Variants in CEP120 observed in about 807,000 individuals in gnomAD.
CEP120 encodes the protein centrosomal protein 120.
In CEP120, 113 loss-of-function variants were observed where a neutral mutation model predicts 126.5. The ratio of observed to expected loss-of-function variants is 0.89; its 90% CI spans 0.77 to 1.04. The LOEUF is 1.04. CEP120 is among the 50% of genes least tolerant of loss of function. CEP120 has a pLI of 0.00. For missense variants in CEP120, 1,230 were observed against 1,155.7 expected, an observed-to-expected ratio of 1.06 and a Z score of -0.93; for synonymous variants, 400 against 394.3, an observed-to-expected ratio of 1.01 and a Z score of -0.17.
At chr5:123,420,754 G>A (rs534311149) in intron 1 of CEP120, among the ~76,000 whole-genome samples, 1 of 152,288 alleles carries the variant, frequency 6.6e-6, no homozygotes, top group South Asian at 2.1e-4. Flanking sequence ...TAAGTTAGGT[G>A]GATAATGAGG....
intron 18 of CEP120, among the ~76,000 whole-genome samples, chr5:123,359,729 C>CA (rs977286203): frequency 1.9e-4 from 29 of 151,644 alleles, no homozygotes; most frequent in African/African-American, 7.0e-4. Context: ...TACCAAAGAA[C>CA]AAAAAAGCTT....
chr5:123,396,855 C>T (rs1469863543), intron 5 of CEP120, among the ~76,000 whole-genome samples: 1 of 152,172 alleles, frequency 6.6e-6, no homozygotes, highest in South Asian at 2.1e-4. Context: ...CTTCCTAAGA[C>T]TTGCTTTCCT....
Position 123,400,290 on chromosome 5 carries a change from T to C in CEP120, c.464-1006A>G, listed in dbSNP as rs529575745. On this transcript the variant is annotated intron_variant, in intron 4 of 19. Transcript: ENST00000306467. ...CCATATCCATCTCTTTTAGTCTCCATTTTTTTTTTTCTAGAAAGCTTTTAT... is the reference window on the plus strand; with the variant it reads ...CCATATCCATCTCTTTTAGTCTCCACTTTTTTTTTTCTAGAAAGCTTTTAT... Among the ~76,000 whole-genome samples, 4 of 147,532 alleles carry C rather than the reference T, an allele frequency of 2.7e-5. No homozygotes were observed. The East Asian group carries it at 7.9e-4, about 29-fold the overall frequency.
rs1768748196 is a variant in CEP120 at position 123,345,496 on chromosome 5, C to A, written c.*1023G>T. The A allele has an allele frequency of 6.6e-6, 1 of 152,048 alleles. No individual in the cohort carries two copies. The highest frequency in any genetic ancestry group is 1.5e-5 in the Non-Finnish European group (1 of 67,990). 9.4% of individuals were successfully genotyped at this position (152,048 alleles called of 1,614,324 possible). The stretch of plus-strand genomic sequence containing the variant: ...AAATTCAACCTAATCTGTGACTTTG[C>A]TAAAACTTTTTCAGTACTCAGTAAA... On this transcript the variant is annotated 3_prime_UTR_variant, in exon 20 of 20. Transcript: ENST00000306467.
intron 14 of CEP120, among the ~76,000 whole-genome samples, chr5:123,379,453 A>G (rs1771493094): frequency 6.6e-6 from 1 of 152,018 alleles, no homozygotes; most frequent in African/African-American, 2.4e-5. Context: ...TGATATTTCT[A>G]CCGTTCTCAA....
At chr5:123,353,396 C>T (rs1318496517) in intron 18 of CEP120, among the ~76,000 whole-genome samples, 3 of 151,324 alleles carry the variant, frequency 2.0e-5, no homozygotes, top group African/African-American at 4.9e-5. Context: ...AAATAAACTT[C>T]GTTGTGATGC....
intron 1 of CEP120, 78 bp from the exon 2 acceptor site, chr5:123,418,593 T>A: frequency 7.8e-7 from 1 of 1,283,544 alleles, no homozygotes; most frequent in Non-Finnish European, 1.0e-6. Flanking sequence ...TTTTTTTGTT[T>A]GGCTGGTTTT....
chr5:123,372,630 C>A lies in CEP120; in HGVS notation c.2481+20G>T, dbSNP rs773707757. ...TTAATCACTGGGACTAGTTAAACTG[C>A]ACAAAATTAACATGTGTACCTTTTC... On this transcript the variant is annotated intron_variant, in intron 17 of 19. Transcript: ENST00000306467. The A allele has an allele frequency of 6.2e-7, 1 of 1,608,502 alleles. No homozygotes were observed. Among genetic ancestry groups the A allele is most frequent in the Non-Finnish European group, 8.5e-7 (1 of 1,175,922 alleles).
chr5:123,402,357 T>A, intron 4 of CEP120: 2 of 1,392,286 alleles, frequency 1.4e-6, no homozygotes, highest in Non-Finnish European at 1.9e-6. Context: ...GAGGCAGGAG[T>A]GGAGGCAGGC....
Position 123,388,479 on chromosome 5 carries a change from C to T in CEP120, c.1383G>A (p.Arg461=), listed in dbSNP as rs756834339. The T allele has an allele frequency of 8.1e-6, 13 of 1,606,420 alleles. No homozygotes were observed. Among genetic ancestry groups the T allele is most frequent in the East Asian group, 4.5e-5 (2 of 44,578 alleles). ...SHHFCFSIDL[R]SIHALEIGFP... ...AACCAATCTCCAAGGCATGTATACT[C>T]CTTAAGTCTATTGAAAAGCAAAAAT... Residue 461 remains arginine (R), a synonymous_variant, in exon 9 of 20, where the codon AGG becomes AGA. Transcript: ENST00000306467.
intron 4 of CEP120, among the ~76,000 whole-genome samples, chr5:123,410,874 C>T (rs527322224): frequency 6.6e-6 from 1 of 152,266 alleles, no homozygotes; most frequent in Admixed American, 6.5e-5. Flanking sequence ...CTGGGAAAGA[C>T]AATGTCAAGA....
chr5:123,418,296 T>TC, intron 2 of CEP120, 63 bp downstream of exon 2: 1 of 1,426,616 alleles, frequency 7.0e-7, no homozygotes, highest in African/African-American at 1.4e-5. Flanking sequence ...CAAACTGTAT[T>TC]TATTTATAAC....
chr5:123,364,619 A>T, intron 17 of CEP120, 25 bp from the exon 18 acceptor site: 1 of 1,398,362 alleles, frequency 7.2e-7, no homozygotes, highest in South Asian at 1.2e-5. Context: ...AATCATATCA[A>T]GTGAAACACT....
Position 123,364,484 on chromosome 5 carries a change from T to C in CEP120, c.2580+12A>G. Reference sequence around the variant, plus strand: ...AAAAAGATATAAAAAGAATAAGCTATAAACTACATACCTGTTTAAGTCTGG... The same window carrying C: ...AAAAAGATATAAAAAGAATAAGCTACAAACTACATACCTGTTTAAGTCTGG... On this transcript the variant is annotated intron_variant, in intron 18 of 19. Transcript: ENST00000306467. The C allele has an allele frequency of 6.4e-7, 1 of 1,560,792 alleles. No homozygotes were observed. The highest frequency in any genetic ancestry group is 8.8e-7 in the Non-Finnish European group (1 of 1,141,868).
At chr5:123,390,401 C>G (rs115403561) in intron 7 of CEP120, 375 of 539,456 alleles carry the variant, frequency 7.0e-4, no homozygotes, top group African/African-American at 6.6e-3. Flanking sequence ...GAAAAGAAGT[C>G]AGGCATAGGT....
chr5:123,383,315 C>T (rs1562041946), intron 11 of CEP120, among the ~76,000 whole-genome samples: 2 of 151,998 alleles, frequency 1.3e-5, no homozygotes, highest in African/African-American at 4.8e-5. Flanking sequence ...AAAATGACCC[C>T]TATGAGAGCT....
At position 123,350,017 on chromosome 5, in the gene CEP120, G is replaced by T. The variant is rs952982583; in HGVS notation, c.2653C>A (p.Leu885Ile). The change falls in exon 19 of 20, where the codon CTT (leucine) becomes ATT (isoleucine). Residue 885 changes from leucine (L) to isoleucine (I), a missense_variant. By Grantham distance (5) the Leu-to-Ile change is conservative. Coordinates refer to ENST00000306467, the MANE Select transcript of CEP120 (RefSeq NM_001375405.1). The part of the protein sequence containing the change: ...EELEQMRLRY[L>I]AAEEKDTVKT... ...ACTGTATCTTTTTCCTCAGCGGCAA[G>T]GTAACGTAGTCTCATCTGTTCCAAT... 1 of 1,613,500 alleles carries T rather than the reference G, an allele frequency of 6.2e-7. No homozygotes were observed. Among genetic ancestry groups the T allele is most frequent in the African/African-American group, 1.3e-5 (1 of 74,862 alleles).
intron 11 of CEP120, among the ~76,000 whole-genome samples, chr5:123,383,608 G>T (rs1771813043): frequency 6.6e-6 from 1 of 151,724 alleles, no homozygotes; most frequent in South Asian, 2.1e-4. Flanking sequence ...GATTATATTG[G>T]TTATTCTGAA....
At chr5:123,386,786 A>T in intron 9 of CEP120, 119 bp from the exon 10 acceptor site, 1 of 742,954 alleles carries the variant, frequency 1.3e-6, no homozygotes, top group Non-Finnish European at 1.9e-6. Context: ...ACAACTTTTT[A>T]ATAGAAACAT....
Sources: gnomAD v4.1 joint callset for allele counts (sites outside exome capture counted in the v4.1 genomes callset) on GRCh38, gnomAD v4.1.1 for gene constraint, MANE v1.5 for transcripts, NCBI Gene and HGNC (gene_info 2026-07-23, HGNC 2026-07-21) for gene names.